Variants in KMT2E observed in about 807,000 individuals in gnomAD.
KMT2E encodes lysine methyltransferase 2E (inactive).
Under a neutral mutation model 184.6 loss-of-function variants are expected in KMT2E, and 30 were observed. The observed-to-expected ratio is 0.16, with a 90% CI of 0.12 to 0.22. The LOEUF is 0.22. Ranked by LOEUF, KMT2E falls within the 10% of genes least tolerant of loss-of-function variation. The pLI is 1.00. For synonymous variants in KMT2E, 815 were observed against 776.5 expected (o/e 1.05, Z -0.82); for missense variants, 2,023 against 2,237.4 (o/e 0.90, Z 1.93).
chr7:105,068,631 TTTTTTTTG>T (rs1797147645), intron 6 of KMT2E, among the ~76,000 whole-genome samples: 1 of 135,178 alleles, frequency 7.4e-6, no homozygotes, highest in African/African-American at 3.1e-5. Flanking sequence ...GTGGTTTTTT[TTTTTTTTG>T]TTTTTTTTTT....
intron 3 of KMT2E, among the ~76,000 whole-genome samples, chr7:105,051,404 C>G (rs1796341402): frequency 6.6e-6 from 1 of 151,880 alleles, no homozygotes; most frequent in Non-Finnish European, 1.5e-5. Context: ...AGGCTGGTCT[C>G]AAACTCCCGA....
chr7:105,062,632 TTATA>T (rs1796865840), intron 4 of KMT2E, among the ~76,000 whole-genome samples: 2 of 152,038 alleles, frequency 1.3e-5, no homozygotes, highest in South Asian at 2.1e-4. Flanking sequence ...ATATAGTAAT[TTATA>T]TAGTAAATTT....
At chr7:105,088,555 AT>A (rs1798079584) in intron 13 of KMT2E, among the ~76,000 whole-genome samples, 1 of 152,212 alleles carries the variant, frequency 6.6e-6, no homozygotes, top group African/African-American at 2.4e-5. Context: ...GGAGATTTGT[AT>A]TATTGTTTTA....
chr7:105,021,849 C>T (rs1009054326), intron 1 of KMT2E, among the ~76,000 whole-genome samples: 10 of 152,058 alleles, frequency 6.6e-5, no homozygotes, highest in Non-Finnish European at 1.5e-4. Flanking sequence ...GCCACACACA[C>T]ATGATGAGGA....
intron 15 of KMT2E, among the ~76,000 whole-genome samples, chr7:105,098,219 G>C (rs1309370349): frequency 6.8e-6 from 1 of 147,792 alleles, no homozygotes; most frequent in Non-Finnish European, 1.5e-5. Flanking sequence ...GGTGGGCTCT[G>C]GCTTTCCTTT....
At chr7:105,109,424 T>C (rs1483813088) in intron 23 of KMT2E, among the ~76,000 whole-genome samples, 196 bp downstream of exon 23, 3 of 152,240 alleles carry the variant, frequency 2.0e-5, no homozygotes, top group African/African-American at 7.2e-5. Flanking sequence ...TATTCCTTGG[T>C]AATTTATTCA....
intron 3 of KMT2E, among the ~76,000 whole-genome samples, chr7:105,044,720 C>T (rs1219484528): frequency 6.6e-6 from 1 of 152,180 alleles, no homozygotes; most frequent in Non-Finnish European, 1.5e-5. Flanking sequence ...GACACAGTAG[C>T]TGATCTACCA....
At chr7:105,046,689 G>A (rs973766941) in intron 3 of KMT2E, among the ~76,000 whole-genome samples, 3 of 152,156 alleles carry the variant, frequency 2.0e-5, no homozygotes, top group African/African-American at 7.2e-5. Flanking sequence ...GGCAATTTGG[G>A]ACATTTAGTA....
chr7:105,032,230 G>C (rs1795453768), intron 1 of KMT2E, among the ~76,000 whole-genome samples: 1 of 151,860 alleles, frequency 6.6e-6, no homozygotes, highest in Admixed American at 6.6e-5. Context: ...GATCACCTGA[G>C]GTCAGGAGTT....
At chr7:105,091,129 T>C in intron 14 of KMT2E, 87 bp from the exon 15 acceptor site, 1 of 609,380 alleles carries the variant, frequency 1.6e-6, no homozygotes, top group East Asian at 2.7e-5. Context: ...GAATTTGTTG[T>C]GGTTGAAAGA....
chr7:105,020,137 T>TA (rs569366041), intron 1 of KMT2E, among the ~76,000 whole-genome samples: 26 of 147,466 alleles, frequency 1.8e-4, no homozygotes, highest in African/African-American at 3.2e-4. Context: ...ATAAGTAAAT[T>TA]AAAAAAAAAA....
intron 3 of KMT2E, among the ~76,000 whole-genome samples, chr7:105,053,931 T>A (rs1476316304): frequency 6.6e-6 from 1 of 151,718 alleles, no homozygotes; most frequent in Non-Finnish European, 1.5e-5. Flanking sequence ...CTCAGCACTT[T>A]GCGAGCCAAG....
chr7:105,109,279 A>G, intron 23 of KMT2E, 51 bp downstream of exon 23: 1 of 1,554,064 alleles, frequency 6.4e-7, no homozygotes, highest in Non-Finnish European at 8.8e-7. Context: ...CTTTTGTTCA[A>G]GTATTCTTCC....
intron 1 of KMT2E, among the ~76,000 whole-genome samples, chr7:105,015,720 C>A (rs950519323): frequency 3.3e-5 from 5 of 152,186 alleles, no homozygotes; most frequent in Admixed American, 3.3e-4. Flanking sequence ...CTCGGGTCCT[C>A]CACACCCCAT....
intron 15 of KMT2E, among the ~76,000 whole-genome samples, chr7:105,096,609 TCA>T (rs986019398): frequency 3.9e-5 from 6 of 152,224 alleles, no homozygotes; most frequent in South Asian, 2.1e-4. Context: ...GAAAAAACTT[TCA>T]GTTTTATTCA....
chr7:105,046,880 G>A (rs1796129196), intron 3 of KMT2E, among the ~76,000 whole-genome samples: 1 of 152,196 alleles, frequency 6.6e-6, no homozygotes, highest in Admixed American at 6.5e-5. Context: ...AAAAGTTGAT[G>A]TGTCAAATGT....
At chr7:105,059,455 T>C (rs1796702202) in intron 3 of KMT2E, among the ~76,000 whole-genome samples, 2 of 152,230 alleles carry the variant, frequency 1.3e-5, no homozygotes, top group South Asian at 2.1e-4. Context: ...CAGTTTTATG[T>C]ACATTTACCC....
chr7:105,111,866 G>C lies in KMT2E; in HGVS notation c.4110G>C (p.Gly1370=). ...CTGTAATTCCTGCTCAAGCACACGG[G>C]AAAATATTCACAAAACCAGATCCCC... ...PGSVIPAQAH[G]KIFTKPDPQW... Residue 1370 remains glycine (G), a synonymous_variant, in exon 27 of 27, where the codon GGG becomes GGC. Transcript: ENST00000311117. The C allele has an allele frequency of 6.2e-7, 1 of 1,613,908 alleles. No individual in the cohort carries two copies. The highest frequency in any genetic ancestry group is 8.5e-7 in the Non-Finnish European group (1 of 1,179,952).
At chr7:105,048,992 G>A (rs1392535476) in intron 3 of KMT2E, among the ~76,000 whole-genome samples, 1 of 152,120 alleles carries the variant, frequency 6.6e-6, no homozygotes, top group Admixed American at 6.5e-5. Context: ...TAGGTAGAGG[G>A]AACAGCAAGT....
Sources: allele counts gnomAD v4.1 joint callset (sites outside exome capture counted in the v4.1 genomes callset), GRCh38; gene constraint gnomAD v4.1.1; transcripts MANE v1.5; gene names NCBI Gene and HGNC (gene_info 2026-07-23, HGNC 2026-07-21).